Variants in TOP1 observed in about 807,000 individuals in gnomAD.
TOP1 encodes the protein DNA topoisomerase I, also known as DNA topoisomerase 1.
TOP1 carries 10 observed loss-of-function variants against 111.1 expected under a neutral mutation model. That is an observed-to-expected ratio of 0.09 (90% CI 0.06 to 0.15). TOP1 has a LOEUF of 0.15. Among genes scored for constraint, TOP1 ranks in the 10% least tolerant of loss-of-function variants. The probability of loss-of-function intolerance (pLI) is 1.00; values close to 1 mark genes in which losing one functional copy is unlikely to be tolerated. For missense variants in TOP1, 474 were observed against 926.7 expected, an observed-to-expected ratio of 0.51 and a Z score of 6.34; for synonymous variants, 271 against 302.9, an observed-to-expected ratio of 0.89 and a Z score of 1.10.
intron 3 of TOP1, among the ~76,000 whole-genome samples, chr20:41,063,251 G>A (rs2033567372): frequency 6.6e-6 from 1 of 152,158 alleles, no homozygotes; most frequent in African/African-American, 2.4e-5. Context: ...CATCCATGTT[G>A]CTACAAAGGA....
rs2034449121 is a variant in TOP1, at chr20:41,123,264, C to T, written c.2265C>T (p.Ala755=). 6.2e-7 allele frequency: 1 copy of T among 1,613,930 alleles called. No individual in the cohort carries two copies. The highest frequency in any genetic ancestry group is 8.5e-7 in the Non-Finnish European group (1 of 1,179,850). Residue 755 remains alanine (A), a synonymous_variant, in exon 21 of 21, where the codon GCC becomes GCT. Transcript: ENST00000361337. This position sits in a 1 kb window ranked among gnomAD's most constrained non-coding sequence, Gnocchi z 5.8. The part of the protein sequence containing the change: ...NKTQREKFAW[A]IDMADEDYEF ...CCCAGCGGGAGAAGTTTGCCTGGGCCATTGACATGGCTGATGAAGACTATG... is the reference window on the plus strand; with the variant it reads ...CCCAGCGGGAGAAGTTTGCCTGGGCTATTGACATGGCTGATGAAGACTATG...
intron 2 of TOP1, among the ~76,000 whole-genome samples, chr20:41,033,742 C>T (rs1263864907): frequency 6.6e-6 from 1 of 152,132 alleles, no homozygotes; most frequent in Non-Finnish European, 1.5e-5. Context: ...ATTTATATGA[C>T]ACATCATTAT....
In TOP1 at chr20:41,066,806, G is replaced by A. The variant is rs552145789; in HGVS notation, c.155+5316G>A. On this transcript the variant is annotated intron_variant, in intron 3 of 20. Transcript: ENST00000361337. ...CCTGACCTCGTGATCCACCTGCCTC[G>A]GCCTCCCAAAGTCTTGGGATTACAG... is the stretch of plus-strand genomic sequence containing the variant. Among the ~76,000 whole-genome samples the A allele has an allele frequency of 4.9e-4, 75 of 151,876 alleles. No homozygotes were observed. In the South Asian group the frequency reaches 0.014, roughly 29 times the overall value.
chr20:41,036,832 C>CTTTTT (rs56013409), intron 2 of TOP1, among the ~76,000 whole-genome samples: 15 of 128,204 alleles, frequency 1.2e-4, no homozygotes, highest in South Asian at 7.3e-4. Context: ...TCCTACTTTT[C>CTTTTT]TTTTTTTTTT....
Position 41,092,301 on chromosome 20 carries a change from T to C in TOP1, c.615-171T>C, listed in dbSNP as rs1014810779. ...TTCATCTTACTTGTGAGCGTTGGCTTTTTCAAAATGAGAGACACTGGTTCT... is the reference window on the plus strand; with the variant it reads ...TTCATCTTACTTGTGAGCGTTGGCTCTTTCAAAATGAGAGACACTGGTTCT... On this transcript the variant is annotated intron_variant, in intron 8 of 20. Transcript: ENST00000361337. The surrounding 1 kb of genome is among the most constrained non-coding windows in gnomAD (Gnocchi z 4.3). Among the ~76,000 whole-genome samples the C allele has an allele frequency of 2.0e-5, 3 of 152,360 alleles. No individual in the cohort carries two copies. Among genetic ancestry groups the C allele is most frequent in the Non-Finnish European group, 2.9e-5 (2 of 68,034 alleles).
chr20:41,037,641 A>G (rs2033205932), intron 2 of TOP1, among the ~76,000 whole-genome samples: 1 of 152,250 alleles, frequency 6.6e-6, no homozygotes, highest in Non-Finnish European at 1.5e-5. Flanking sequence ...TTCCATGAAA[A>G]AATTTGATAA....
chr20:41,057,232 C>G (rs6093430), intron 2 of TOP1, among the ~76,000 whole-genome samples: 2,959 of 151,304 alleles, frequency 0.02, 78 homozygotes, highest in African/African-American at 0.068. Context: ...CACCACTGCA[C>G]TCCAGCCTGG....
At chr20:41,117,104 A>C (rs1450382178) in intron 17 of TOP1, among the ~76,000 whole-genome samples, 1 of 152,074 alleles carries the variant, frequency 6.6e-6, no homozygotes, top group African/African-American at 2.4e-5. Flanking sequence ...TGTAATCCCA[A>C]CACTTGGGTA....
chr20:41,045,692 C>G (rs563775919), intron 2 of TOP1, among the ~76,000 whole-genome samples: 3 of 152,292 alleles, frequency 2.0e-5, no homozygotes, highest in African/African-American at 7.2e-5. Flanking sequence ...TTGCCTATAA[C>G]AAGAAGGTAA....
chr20:41,123,326 G>A lies in TOP1; in HGVS notation c.*29G>A, dbSNP rs2034449831. On this transcript the variant is annotated 3_prime_UTR_variant, in exon 21 of 21. Transcript: ENST00000361337. This position sits in a 1 kb window ranked among gnomAD's most constrained non-coding sequence, Gnocchi z 5.8. ...GTCTCAAGAGGCAGAGTTCTGTGAA[G>A]AGGAACAGTGTGGTTTGGGAAAGAT... The A allele has an allele frequency of 1.3e-6, 2 of 1,528,126 alleles. No individual in the cohort carries two copies. The highest frequency in any genetic ancestry group is 4.5e-5 in the East Asian group (2 of 44,384). 94.7% of individuals were successfully genotyped at this position (1,528,126 alleles called of 1,614,324 possible).
In TOP1 at chr20:41,046,481, G is replaced by T. The variant is rs147714959; in HGVS notation, c.59-14913G>T. Reference sequence around the variant, plus strand: ...TGGAATTACCCATCAGACTGGGGGCGCCCATCTCTTCACTTATGATGTGTC... The same window carrying T: ...TGGAATTACCCATCAGACTGGGGGCTCCCATCTCTTCACTTATGATGTGTC... On this transcript the variant is annotated intron_variant, in intron 2 of 20. Transcript: ENST00000361337. This position sits in a 1 kb window ranked among gnomAD's most constrained non-coding sequence, Gnocchi z 4.3. Among the ~76,000 whole-genome samples the T allele has an allele frequency of 2.2e-3, 330 of 152,296 alleles. 1 individual carries two copies. Among genetic ancestry groups the T allele is most frequent in the African/African-American group, 6.5e-3 (271 of 41,562 alleles).
intron 8 of TOP1, among the ~76,000 whole-genome samples, chr20:41,086,036 G>C (rs2033843558): frequency 6.6e-6 from 1 of 152,186 alleles, no homozygotes; most frequent in Admixed American, 6.5e-5. Flanking sequence ...GCCGAGGCTG[G>C]TGGATCACCT....
In TOP1 at chr20:41,110,005, G is replaced by A. The variant is rs1600597600; in HGVS notation, c.1309-2777G>A. 6.6e-6 allele frequency among the ~76,000 whole-genome samples: 1 copy of A among 152,174 alleles called. No individual in the cohort carries two copies. The highest frequency in any genetic ancestry group is 1.9e-4 in the East Asian group (1 of 5,196). Reference sequence around the variant, plus strand: ...ATGAATCTTAAAAACATGGTTAAGGGCCAGGTGCGGTTGGTGCATGCCTGT... The same window carrying A: ...ATGAATCTTAAAAACATGGTTAAGGACCAGGTGCGGTTGGTGCATGCCTGT... On this transcript the variant is annotated intron_variant, in intron 13 of 20. Transcript: ENST00000361337. The surrounding 1 kb of genome is among the most constrained non-coding windows in gnomAD (Gnocchi z 4.2).
intron 7 of TOP1, among the ~76,000 whole-genome samples, chr20:41,081,607 T>C (rs940054430): frequency 1.3e-5 from 2 of 152,208 alleles, no homozygotes; most frequent in Non-Finnish European, 2.9e-5. Flanking sequence ...CTAAGAATTT[T>C]TTGCTGATCA....
rs963734780 is a variant in TOP1, at chr20:41,106,355, G to A, written c.1308+5002G>A. ...CTTTGGCTATTCTTGGCCCTCTGCTGTTTCATATTAACTTTCAGATAAACT... is the reference window on the plus strand; with the variant it reads ...CTTTGGCTATTCTTGGCCCTCTGCTATTTCATATTAACTTTCAGATAAACT... On this transcript the variant is annotated intron_variant, in intron 13 of 20. Coordinates refer to ENST00000361337, the MANE Select transcript of TOP1 (RefSeq NM_003286.4). This position sits in a 1 kb window ranked among gnomAD's most constrained non-coding sequence, Gnocchi z 4.3. Among the ~76,000 whole-genome samples, 3 of 152,114 alleles carry A rather than the reference G, an allele frequency of 2.0e-5. No homozygotes were observed. Among genetic ancestry groups the A allele is most frequent in the African/African-American group, 7.2e-5 (3 of 41,412 alleles).
In TOP1 at chr20:41,029,484, G is replaced by T. The variant is rs942781754; in HGVS notation, c.58+29G>T. 12 of 1,551,406 alleles carry T rather than the reference G, an allele frequency of 7.7e-6. No individual in the cohort carries two copies. The highest frequency in any genetic ancestry group is 1.0e-5 in the Non-Finnish European group (12 of 1,149,980). On this transcript the variant is annotated intron_variant, in intron 2 of 20. Transcript: ENST00000361337. This position sits in a 1 kb window ranked among gnomAD's most constrained non-coding sequence, Gnocchi z 6.1. ...AGTGTGCCCCCTGCGCCGACTCCGG[G>T]GCCCCCCAGCCGCCGGCCGCCTCCC...
chr20:41,068,254 T>G lies in TOP1; in HGVS notation c.155+6764T>G, dbSNP rs1161225822. Among the ~76,000 whole-genome samples the G allele has an allele frequency of 2.0e-5, 3 of 152,370 alleles. No individual in the cohort carries two copies. In the East Asian group the frequency reaches 5.8e-4, roughly 29 times the overall value. On this transcript the variant is annotated intron_variant, in intron 3 of 20. Coordinates refer to ENST00000361337, the MANE Select transcript of TOP1 (RefSeq NM_003286.4). ...TGAAAGTATTAATGTCATCAAATTC[T>G]GAACCTATGAAAACTTCATCTCTGT...
At chr20:41,054,908 GACAGAGAC>G (rs1341954168) in intron 2 of TOP1, among the ~76,000 whole-genome samples, 1 of 152,162 alleles carries the variant, frequency 6.6e-6, no homozygotes, top group Non-Finnish European at 1.5e-5. Context: ...AGTAGGAAAA[GACAGAGAC>G]ACTTTCCTTT....
At position 41,073,380 on chromosome 20, in the gene TOP1, A is replaced by G. The variant is rs981705440; in HGVS notation, c.156-2791A>G. The G allele has an allele frequency of 8.1e-6, 8 of 984,214 alleles. No individual in the cohort carries two copies. In the African/African-American group the frequency reaches 1.2e-4, roughly 15 times the overall value. The allele number at this position is 984,214 out of a possible 1,614,324, so 61.0% of individuals were successfully genotyped here. A position where few individuals can be genotyped will look rare whatever the true frequency, so the allele number is the denominator to read the frequency against. On this transcript the variant is annotated intron_variant, in intron 3 of 20. Coordinates refer to ENST00000361337, the MANE Select transcript of TOP1 (RefSeq NM_003286.4). ...AGTTTCATGGGAAGACAATGAAAAA[A>G]AAAAAAAAGAAAGAAAGAAAAGAAA...
Sources: gnomAD v4.1 joint callset for allele counts (sites outside exome capture counted in the v4.1 genomes callset) on GRCh38, gnomAD v4.1.1 for gene constraint, Gnocchi (gnomAD v3.1) non-coding constraint, MANE v1.5 for transcripts, NCBI Gene and HGNC (gene_info 2026-07-23, HGNC 2026-07-21) for gene names.